SLC4A10: variants seen among roughly 807,000 people sequenced by gnomAD.
The protein encoded by SLC4A10 is sodium-driven chloride bicarbonate exchanger.
Under a neutral mutation model 137.7 loss-of-function variants are expected in SLC4A10, and 42 were observed. That is an observed-to-expected ratio of 0.30 (90% confidence interval 0.24 to 0.39). SLC4A10 has a LOEUF of 0.39. SLC4A10 is among the 10% of genes least tolerant of loss of function. The pLI is 1.00. For missense variants in SLC4A10, 925 were observed against 1,355.0 expected (o/e 0.68, Z 4.98); for synonymous variants, 474 against 464.1 (o/e 1.02, Z -0.27).
chr2:161,704,191 A>AT (rs1034848703), intron 1 of SLC4A10, among the ~76,000 whole-genome samples: 1 of 151,628 alleles, frequency 6.6e-6, no homozygotes, highest in Non-Finnish European at 1.5e-5. Flanking sequence ...ATGTCATACA[A>AT]TTTTTTTCCA....
chr2:161,877,466 C>A (rs1358216526), intron 8 of SLC4A10, among the ~76,000 whole-genome samples: 1 of 151,978 alleles, frequency 6.6e-6, no homozygotes, highest in African/African-American at 2.4e-5. Flanking sequence ...GGGAAATCTT[C>A]TATTCCCTCC....
intron 1 of SLC4A10, among the ~76,000 whole-genome samples, chr2:161,745,069 T>C (rs1193356094): frequency 2.0e-5 from 3 of 152,146 alleles, no homozygotes; most frequent in African/African-American, 7.2e-5. Context: ...AAGTCTTTAT[T>C]TCTCTTTTAT....
chr2:161,798,366 A>G (rs560330452), intron 2 of SLC4A10, among the ~76,000 whole-genome samples: 2 of 152,032 alleles, frequency 1.3e-5, no homozygotes, highest in African/African-American at 2.4e-5. Flanking sequence ...TCTCTTCAAG[A>G]GTAGATACCT....
intron 1 of SLC4A10, among the ~76,000 whole-genome samples, chr2:161,724,241 T>G (rs970845365): frequency 6.6e-6 from 1 of 152,228 alleles, no homozygotes; most frequent in African/African-American, 2.4e-5. Flanking sequence ...GTACTCCTTC[T>G]AAAATGTAAA....
intron 23 of SLC4A10, 31 bp downstream of exon 23, chr2:161,965,204 A>G (rs765200489): frequency 1.3e-6 from 2 of 1,570,244 alleles, no homozygotes; most frequent in Non-Finnish European, 8.6e-7. Context: ...TTATAAAGAA[A>G]GAAAAAAGGA....
chr2:161,777,379 T>TA lies in SLC4A10; in HGVS notation c.130+6325_130+6326insA, dbSNP rs1191118338. Reference sequence around the variant, plus strand: ...AGTTTGATACAGTTCATTTTGTATATTTTACTTTTATTGCCTATGCTTTCA... The same window carrying TA: ...AGTTTGATACAGTTCATTTTGTATATATTTACTTTTATTGCCTATGCTTTCA... On this transcript the variant is annotated intron_variant, in intron 2 of 26. Coordinates refer to ENST00000446997, the MANE Select transcript of SLC4A10 (RefSeq NM_001178015.2). Among the ~76,000 whole-genome samples the TA allele has an allele frequency of 2.6e-5, 4 of 152,038 alleles. No individual in the cohort carries two copies. In the South Asian group the frequency reaches 6.2e-4, roughly 24 times the overall value.
At chr2:161,877,931 G>C (rs887092592) in intron 8 of SLC4A10, among the ~76,000 whole-genome samples, 1 of 151,730 alleles carries the variant, frequency 6.6e-6, no homozygotes, top group South Asian at 2.1e-4. Flanking sequence ...TATATATTTT[G>C]TGGTATCCTT....
intron 26 of SLC4A10, among the ~76,000 whole-genome samples, chr2:161,982,565 C>G (rs1700361944): frequency 6.6e-6 from 1 of 152,118 alleles, no homozygotes; most frequent in African/African-American, 2.4e-5. Context: ...ATGAGTTTGT[C>G]TGAGGAGTGA....
At chr2:161,807,481 C>A (rs2056115121) in intron 3 of SLC4A10, among the ~76,000 whole-genome samples, 1 of 152,078 alleles carries the variant, frequency 6.6e-6, no homozygotes, top group African/African-American at 2.4e-5. Context: ...TCCCTGAAGT[C>A]ACTAATTCAT....
At chr2:161,763,430 G>C (rs925482148) in intron 1 of SLC4A10, among the ~76,000 whole-genome samples, 1 of 152,060 alleles carries the variant, frequency 6.6e-6, no homozygotes, top group African/African-American at 2.4e-5. Context: ...AAAGGTGTGG[G>C]CATATAAGAA....
intron 2 of SLC4A10, among the ~76,000 whole-genome samples, chr2:161,787,511 T>C (rs1423628932): frequency 6.6e-6 from 1 of 152,208 alleles, no homozygotes; most frequent in Non-Finnish European, 1.5e-5. Flanking sequence ...TTTAAATATG[T>C]TTCCAAATTG....
At chr2:161,683,505 G>A (rs1383490914) in intron 1 of SLC4A10, among the ~76,000 whole-genome samples, 1 of 151,990 alleles carries the variant, frequency 6.6e-6, no homozygotes, top group African/African-American at 2.4e-5. Context: ...AGGAGAATAG[G>A]GTAAAGAAAA....
intron 1 of SLC4A10, among the ~76,000 whole-genome samples, chr2:161,704,784 C>T (rs995909337): frequency 3.3e-5 from 5 of 151,506 alleles, no homozygotes; most frequent in African/African-American, 4.8e-5. Context: ...TTTTGGTGTT[C>T]CATAATTTAA....
At chr2:161,797,672 A>G (rs967711433) in intron 2 of SLC4A10, among the ~76,000 whole-genome samples, 13 of 152,102 alleles carry the variant, frequency 8.5e-5, no homozygotes, top group African/African-American at 3.1e-4. Context: ...TTTAGGTTTC[A>G]TTCACTTATT....
chr2:161,794,751 A>C (rs1007913424), intron 2 of SLC4A10, among the ~76,000 whole-genome samples: 2 of 152,118 alleles, frequency 1.3e-5, no homozygotes, highest in Non-Finnish European at 2.9e-5. Flanking sequence ...CCTCCTCAAT[A>C]GCCTTAATTT....
chr2:161,704,638 G>A (rs946162344), intron 1 of SLC4A10, among the ~76,000 whole-genome samples: 31 of 151,560 alleles, frequency 2.0e-4, no homozygotes, highest in African/African-American at 6.8e-4. Flanking sequence ...TTTGTTGTAT[G>A]TTTTACATAG....
chr2:161,688,672 C>T (rs2041679307), intron 1 of SLC4A10, among the ~76,000 whole-genome samples: 1 of 152,082 alleles, frequency 6.6e-6, no homozygotes, highest in African/African-American at 2.4e-5. Context: ...TATGTCCTTT[C>T]TTTAGTCTTC....
chr2:161,683,248 T>C (rs2041054626), intron 1 of SLC4A10, among the ~76,000 whole-genome samples: 1 of 152,204 alleles, frequency 6.6e-6, no homozygotes, highest in South Asian at 2.1e-4. Flanking sequence ...TATTAGAACA[T>C]TGAGGTACAA....
intron 1 of SLC4A10, among the ~76,000 whole-genome samples, chr2:161,693,135 C>T (rs1483455985): frequency 2.6e-5 from 4 of 151,898 alleles, no homozygotes; most frequent in South Asian, 2.1e-4. Context: ...GATTTTTACA[C>T]CTTAGATGGC....
Sources: gnomAD v4.1 joint callset for allele counts (sites outside exome capture counted in the v4.1 genomes callset) on GRCh38, gnomAD v4.1.1 for gene constraint, MANE v1.5 for transcripts, NCBI Gene and HGNC (gene_info 2026-07-23, HGNC 2026-07-21) for gene names.